The following SORCS2 variants were observed in gnomAD, a reference collection of about 807,000 sequenced individuals.
The protein encoded by SORCS2 is sortilin related VPS10 domain containing receptor 2, also known as VPS10 domain-containing receptor SorCS2.
Under a neutral mutation model 141.6 loss-of-function variants are expected in SORCS2, and 100 were observed. The observed-to-expected ratio is 0.71, with a 90% CI of 0.60 to 0.83. SORCS2 has a LOEUF of 0.83. Ranked by LOEUF, SORCS2 falls within the 40% of genes least tolerant of loss-of-function variation. The pLI, the probability that SORCS2 is intolerant of heterozygous loss-of-function variation, is 0.00. For synonymous variants in SORCS2, 789 were observed against 676.9 expected, an observed-to-expected ratio of 1.17 and a Z score of -2.57; for missense variants, 1,646 against 1,560.2, an observed-to-expected ratio of 1.05 and a Z score of -0.93.
At chr4:7,678,855 G>GT (rs1723330333) in intron 9 of SORCS2, among the ~76,000 whole-genome samples, 1 of 151,490 alleles carries the variant, frequency 6.6e-6, no homozygotes, top group African/African-American at 2.4e-5. Flanking sequence ...CTGTGTGGCC[G>GT]TAGGTGGGTT....
chr4:7,327,513 T>C (rs755277240), intron 1 of SORCS2, among the ~76,000 whole-genome samples: 4 of 152,220 alleles, frequency 2.6e-5, no homozygotes, highest in Non-Finnish European at 5.9e-5. Context: ...GGGTCCTGGA[T>C]AGATGGCAGC....
At chr4:7,295,232 C>T (rs1428205860) in intron 1 of SORCS2, among the ~76,000 whole-genome samples, 8 of 128,316 alleles carry the variant, frequency 6.2e-5, no homozygotes, top group Admixed American at 5.4e-4. Context: ...CTCCTCCTTC[C>T]CCTCCAGAGG....
chr4:7,715,425 C>A, intron 17 of SORCS2, 114 bp downstream of exon 17: 1 of 1,467,760 alleles, frequency 6.8e-7, no homozygotes, highest in South Asian at 1.3e-5. Flanking sequence ...CAAGTGGAGT[C>A]GGGGAAAGAG....
chr4:7,582,873 C>A (rs547442655), intron 3 of SORCS2, among the ~76,000 whole-genome samples: 1 of 152,108 alleles, frequency 6.6e-6, no homozygotes, highest in Non-Finnish European at 1.5e-5. Context: ...GCTGGTCATG[C>A]CCACCCTGTC....
chr4:7,495,502 G>A (rs1170290728), intron 2 of SORCS2, among the ~76,000 whole-genome samples: 3 of 152,196 alleles, frequency 2.0e-5, no homozygotes, highest in African/African-American at 4.8e-5. Context: ...ACAGAGCATT[G>A]TTGTGAGGTC....
chr4:7,492,862 C>A (rs1019051220), intron 2 of SORCS2, among the ~76,000 whole-genome samples: 1 of 152,204 alleles, frequency 6.6e-6, no homozygotes, highest in African/African-American at 2.4e-5. Flanking sequence ...AGCCTCTGAC[C>A]CCAGGGCAGG....
intron 4 of SORCS2, among the ~76,000 whole-genome samples, chr4:7,650,627 G>C (rs1418341686): frequency 6.6e-6 from 1 of 152,116 alleles, no homozygotes; most frequent in Admixed American, 6.5e-5. Flanking sequence ...TGGGGAAACT[G>C]AGGCAAGAAA....
At chr4:7,294,359 G>T (rs1230415608) in intron 1 of SORCS2, among the ~76,000 whole-genome samples, 2 of 152,106 alleles carry the variant, frequency 1.3e-5, no homozygotes, top group Non-Finnish European at 2.9e-5. Context: ...GGGGCTAGGT[G>T]GTGCAGGGGT....
At chr4:7,720,434 G>A (rs973003757) in intron 18 of SORCS2, among the ~76,000 whole-genome samples, 3 of 152,164 alleles carry the variant, frequency 2.0e-5, no homozygotes, top group African/African-American at 4.8e-5. Flanking sequence ...CCACAGGAGA[G>A]AATATCTAGG....
rs1052068271 is a variant in SORCS2 at position 7,294,402 on chromosome 4, G to A, written c.480+101276G>A. Among the ~76,000 whole-genome samples the A allele has an allele frequency of 9.2e-5, 14 of 151,996 alleles. 1 individual carries two copies. The highest frequency in any genetic ancestry group is 1.9e-4 in the Non-Finnish European group (13 of 67,960). The stretch of plus-strand genomic sequence containing the variant: ...CTATGAGGCCAGAGGTAGGGCAGGA[G>A]GCTGTGTCTCCCCGCAGCCGACCTT... On this transcript the variant is annotated intron_variant, in intron 1 of 26. Transcript: ENST00000507866.
intron 5 of SORCS2, among the ~76,000 whole-genome samples, chr4:7,656,936 C>T (rs1340198267): frequency 1.3e-5 from 2 of 152,264 alleles, no homozygotes; most frequent in Non-Finnish European, 2.9e-5. Flanking sequence ...TCCCTGAGGG[C>T]CGCCTGCCCC....
intron 1 of SORCS2, among the ~76,000 whole-genome samples, chr4:7,394,403 T>C (rs1411519957): frequency 4.9e-5 from 5 of 101,670 alleles, no homozygotes; most frequent in Non-Finnish European, 1.1e-4. Context: ...TCCGGCAGGG[T>C]TGGAGGGGGG....
chr4:7,673,904 A>G (rs1197021750), intron 8 of SORCS2, among the ~76,000 whole-genome samples: 6 of 152,166 alleles, frequency 3.9e-5, no homozygotes, highest in African/African-American at 1.4e-4. Flanking sequence ...TGCACGGTCT[A>G]ATTCCCTGCC....
At chr4:7,339,679 G>A (rs559382766) in intron 1 of SORCS2, among the ~76,000 whole-genome samples, 5 of 152,284 alleles carry the variant, frequency 3.3e-5, no homozygotes, top group African/African-American at 1.2e-4. Context: ...CTTCTGTAAA[G>A]GCCCTATCTC....
intron 3 of SORCS2, among the ~76,000 whole-genome samples, chr4:7,569,466 C>T (rs556526171): frequency 1.9e-4 from 29 of 152,272 alleles, no homozygotes; most frequent in African/African-American, 6.0e-4. Flanking sequence ...GAGCTGAGAT[C>T]GCATTACTTC....
intron 1 of SORCS2, among the ~76,000 whole-genome samples, chr4:7,228,715 AG>A (rs1402258108): frequency 6.6e-6 from 1 of 152,166 alleles, no homozygotes; most frequent in Non-Finnish European, 1.5e-5. Flanking sequence ...CTCTGTGGTC[AG>A]GGCTTGGGGC....
intron 1 of SORCS2, among the ~76,000 whole-genome samples, chr4:7,245,979 C>T (rs1046820216): frequency 7.2e-5 from 11 of 152,260 alleles, no homozygotes; most frequent in African/African-American, 2.4e-4. Flanking sequence ...CCAGCCTTGC[C>T]GTGATACTCC....
intron 1 of SORCS2, among the ~76,000 whole-genome samples, chr4:7,356,513 G>T (rs1220361725): frequency 6.6e-6 from 1 of 152,052 alleles, no homozygotes; most frequent in Non-Finnish European, 1.5e-5. Flanking sequence ...GAGAGAGAGA[G>T]AGAGAGATCA....
At chr4:7,654,935 C>A (rs1045919854) in intron 5 of SORCS2, among the ~76,000 whole-genome samples, 1 of 152,130 alleles carries the variant, frequency 6.6e-6, no homozygotes, top group Non-Finnish European at 1.5e-5. Flanking sequence ...TCAGTGTGCC[C>A]CCTGAGCACC....
Sources: allele counts gnomAD v4.1 joint callset (sites outside exome capture counted in the v4.1 genomes callset), GRCh38; gene constraint gnomAD v4.1.1; transcripts MANE v1.5; gene names NCBI Gene and HGNC (gene_info 2026-07-23, HGNC 2026-07-21).